The following LMAN1 variants were observed in gnomAD, a reference collection of about 807,000 sequenced individuals.
LMAN1 encodes the protein lectin, mannose binding 1.
A neutral mutation model predicts 67.8 loss-of-function variants in LMAN1; 32 were observed. That is an observed-to-expected ratio of 0.47 (90% CI 0.36 to 0.63). LMAN1 has a LOEUF of 0.63. Ranked by LOEUF, LMAN1 falls within the 30% of genes least tolerant of loss-of-function variation. LMAN1 has a pLI of 0.00. For missense variants in LMAN1, 632 were observed against 628.2 expected (o/e 1.01, Z -0.06); for synonymous variants, 235 against 219.3 (o/e 1.07, Z -0.63).
intron 8 of LMAN1, among the ~76,000 whole-genome samples, chr18:59,342,290 G>A (rs1254974877): frequency 2.0e-5 from 3 of 151,878 alleles, no homozygotes; most frequent in African/African-American, 7.3e-5. Flanking sequence ...CCAAAACACT[G>A]AGGAGAGAAT....
intron 10 of LMAN1, 180 bp from the exon 11 acceptor site, chr18:59,333,424 C>A: frequency 1.8e-6 from 1 of 568,146 alleles, no homozygotes; most frequent in Non-Finnish European, 3.1e-6. Flanking sequence ...TATAAAACGA[C>A]ATTATGCCTT....
chr18:59,342,711 G>A (rs1485340163), intron 8 of LMAN1, among the ~76,000 whole-genome samples: 1 of 151,960 alleles, frequency 6.6e-6, no homozygotes, highest in African/African-American at 2.4e-5. Flanking sequence ...GGGAAAAGTT[G>A]AAAACATTCC....
At chr18:59,355,227 A>G (rs1908632197) in intron 3 of LMAN1, 86 bp downstream of exon 3, 1 of 997,334 alleles carries the variant, frequency 1.0e-6, no homozygotes, top group Non-Finnish European at 1.6e-6. Context: ...AAACTGATGA[A>G]AGCATTGAAT....
Position 59,359,254 on chromosome 18 carries a change from T to C in LMAN1, c.-10A>G, listed in dbSNP as rs1908744071. ...GCCTGGATCCCGCCATCTTGGATTC[T>C]GGAACGCGGAGGAGGGCGGGAGAGG... is the stretch of plus-strand genomic sequence containing the variant. On this transcript the variant is annotated 5_prime_UTR_variant, in exon 1 of 13. Transcript: ENST00000251047. 6.2e-7 allele frequency: 1 copy of C among 1,613,026 alleles called. No individual in the cohort carries two copies. The highest frequency in any genetic ancestry group is 1.7e-5 in the Admixed American group (1 of 59,984).
At chr18:59,339,556 A>G (rs1367384149) in intron 8 of LMAN1, among the ~76,000 whole-genome samples, 4 of 152,194 alleles carry the variant, frequency 2.6e-5, no homozygotes, top group African/African-American at 9.6e-5. Flanking sequence ...AACTGCCTAA[A>G]TATTGCACAG....
intron 1 of LMAN1, among the ~76,000 whole-genome samples, chr18:59,357,104 T>C (rs915048559): frequency 6.6e-6 from 1 of 152,206 alleles, no homozygotes; most frequent in African/African-American, 2.4e-5. Flanking sequence ...GTGAGGCTTA[T>C]GCAAAAACTA....
rs1162681351 is a variant in LMAN1 at position 59,329,763 on chromosome 18, T to C, written c.*1330A>G. 1 of 152,130 alleles carries C rather than the reference T, an allele frequency of 6.6e-6. No homozygotes were observed. The highest frequency in any genetic ancestry group is 1.9e-4 in the East Asian group (1 of 5,194). The allele number at this position is 152,130 out of a possible 1,614,324, so 9.4% of individuals were successfully genotyped here. ...CATTTGAGAGCAAACCTAGGGAGGCTTGGAATAATTCAACAGTACTATTTT... is the reference window on the plus strand; with the variant it reads ...CATTTGAGAGCAAACCTAGGGAGGCCTGGAATAATTCAACAGTACTATTTT... On this transcript the variant is annotated 3_prime_UTR_variant, in exon 13 of 13. Transcript: ENST00000251047.
At chr18:59,331,617 A>G in intron 11 of LMAN1, 78 bp from the exon 12 acceptor site, 1 of 1,491,720 alleles carries the variant, frequency 6.7e-7, no homozygotes, top group South Asian at 1.1e-5. Flanking sequence ...AATCTTTATA[A>G]AACTGTTTGC....
intron 7 of LMAN1, among the ~76,000 whole-genome samples, chr18:59,346,429 T>C (rs1401471006): frequency 6.6e-6 from 1 of 151,886 alleles, no homozygotes; most frequent in African/African-American, 2.4e-5. Context: ...TTCACTGTGT[T>C]GTCCAGGCTG....
chr18:59,328,120 T>TAATC lies in LMAN1; in HGVS notation c.*2969_*2972dup, dbSNP rs1346859796. 4 of 152,236 alleles carry TAATC rather than the reference T, an allele frequency of 2.6e-5. No individual in the cohort carries two copies. Among genetic ancestry groups the TAATC allele is most frequent in the Non-Finnish European group, 5.9e-5 (4 of 68,036 alleles). 9.4% of individuals were successfully genotyped at this position (152,236 alleles called of 1,614,324 possible). A position where few individuals can be genotyped will look rare whatever the true frequency, so the allele number is the denominator to read the frequency against. On this transcript the variant is annotated 3_prime_UTR_variant, in exon 13 of 13. Coordinates refer to ENST00000251047, the MANE Select transcript of LMAN1 (RefSeq NM_005570.4). ...CAATAAGCACATGGACAGGGAAAGA[T>TAATC]AATCACACCTTAATATTCACAACTG...
rs918677858 is a variant in LMAN1, at chr18:59,329,604, A to G, written c.*1489T>C. 6 of 152,170 alleles carry G rather than the reference A, an allele frequency of 3.9e-5. No homozygotes were observed. Among genetic ancestry groups the G allele is most frequent in the Admixed American group, 2.0e-4 (3 of 15,268 alleles). 9.4% of individuals were successfully genotyped at this position (152,170 alleles called of 1,614,324 possible). On this transcript the variant is annotated 3_prime_UTR_variant, in exon 13 of 13. Transcript: ENST00000251047. Reference sequence around the variant, plus strand: ...CTGGCATATTCTCTTTCAGTGTTCTAGGATAAATATCAACATAAAAAGCAA... The same window carrying G: ...CTGGCATATTCTCTTTCAGTGTTCTGGGATAAATATCAACATAAAAAGCAA...
At position 59,333,101 on chromosome 18, in the gene LMAN1, T is replaced by A. The variant is rs145735451; in HGVS notation, c.1364A>T (p.Gln455Leu). ...IVKRDIDNLV[Q>L]RNMPSNEKPK... ...AGGAAACAAAGTTACCATATTTCGC[T>A]GCACTAAGTTATCTATGTCCCTCTT... Residue 455 changes from glutamine to leucine, a missense_variant, in exon 11 of 13, where the codon CAG becomes CTG. By Grantham distance (113) the Gln-to-Leu change is moderately radical. Transcript: ENST00000251047. 6.2e-7 allele frequency: 1 copy of A among 1,613,190 alleles called. No homozygotes were observed. The highest frequency in any genetic ancestry group is 1.1e-5 in the South Asian group (1 of 91,046).
intron 10 of LMAN1, among the ~76,000 whole-genome samples, chr18:59,333,980 T>C (rs1226902976): frequency 1.3e-5 from 2 of 152,208 alleles, no homozygotes; most frequent in African/African-American, 4.8e-5. Context: ...TTACAAAATA[T>C]CTCAAGTGCT....
At chr18:59,347,599 A>G in intron 6 of LMAN1, 28 bp from the exon 7 acceptor site, 1 of 1,456,310 alleles carries the variant, frequency 6.9e-7, no homozygotes, top group Non-Finnish European at 9.6e-7. Context: ...AAAAGTCTGA[A>G]AAAGTTCCAT....
At chr18:59,336,536 T>C (rs1162698115) in intron 10 of LMAN1, among the ~76,000 whole-genome samples, 1 of 152,128 alleles carries the variant, frequency 6.6e-6, no homozygotes, top group Non-Finnish European at 1.5e-5. Flanking sequence ...GAAAAGATAG[T>C]TGGTCCTGAC....
rs754821378 is a variant in LMAN1, at chr18:59,331,136, A to G, written c.1497-7T>C. On this transcript the variant is annotated splice_region_variant and splice_polypyrimidine_tract_variant and intron_variant, in intron 12 of 12. Coordinates refer to ENST00000251047, the MANE Select transcript of LMAN1 (RefSeq NM_005570.4). The stretch of plus-strand genomic sequence containing the variant: ...AGCTGCTTCTTGCTGAGACCTAATG[A>G]AAAAAAGAAACAAACACTTAAAGAA... 6.2e-7 allele frequency: 1 copy of G among 1,609,492 alleles called. No homozygotes were observed. Among genetic ancestry groups the G allele is most frequent in the Admixed American group, 1.7e-5 (1 of 59,834 alleles).
In LMAN1 at chr18:59,330,321, A is replaced by G. The variant is rs989748545; in HGVS notation, c.*772T>C. On this transcript the variant is annotated 3_prime_UTR_variant, in exon 13 of 13. Transcript: ENST00000251047. Reference sequence around the variant, plus strand: ...AAATATAAATATAAAAATTATTTTCATAATATTGACCTGACCCCATTGGAA... The same window carrying G: ...AAATATAAATATAAAAATTATTTTCGTAATATTGACCTGACCCCATTGGAA... 6.6e-6 allele frequency: 1 copy of G among 152,582 alleles called. No homozygotes were observed. Among genetic ancestry groups the G allele is most frequent in the Non-Finnish European group, 1.5e-5 (1 of 68,018 alleles). The allele number at this position is 152,582 out of a possible 1,614,324, so 9.5% of individuals were successfully genotyped here.
At chr18:59,333,412 TTTA>T (rs1908072502) in intron 10 of LMAN1, 168 bp from the exon 11 acceptor site, 6 of 594,676 alleles carry the variant, frequency 1.0e-5, no homozygotes, top group East Asian at 2.9e-5. Context: ...TGGAAAATAA[TTTA>T]TAAAACGACA....
At chr18:59,340,985 T>C (rs1603394539) in intron 8 of LMAN1, among the ~76,000 whole-genome samples, 2 of 152,202 alleles carry the variant, frequency 1.3e-5, no homozygotes, top group South Asian at 2.1e-4. Flanking sequence ...ACTTAGGTTA[T>C]TCATAAAGAC....
Sources: allele counts gnomAD v4.1 joint callset (sites outside exome capture counted in the v4.1 genomes callset), GRCh38; gene constraint gnomAD v4.1.1; transcripts MANE v1.5; gene names NCBI Gene and HGNC (gene_info 2026-07-23, HGNC 2026-07-21).